The following CSMD3 variants were observed in gnomAD, a reference collection of about 807,000 sequenced individuals.
CSMD3 encodes the protein CUB and sushi domain-containing protein 3.
CSMD3 carries 177 observed loss-of-function variants against 435.2 expected under a neutral mutation model. That is an observed-to-expected ratio of 0.41 (90% CI 0.36 to 0.46). CSMD3 has a LOEUF of 0.46. Ranked by LOEUF, CSMD3 falls within the 20% of genes least tolerant of loss-of-function variation. The pLI is 0.34. For missense variants in CSMD3, 4,265 were observed against 4,504.6 expected (o/e 0.95, Z 1.52); for synonymous variants, 1,656 against 1,520.5 (o/e 1.09, Z -2.07).
chr8:112,788,016 G>T (rs2078594157), intron 13 of CSMD3, among the ~76,000 whole-genome samples: 1 of 152,070 alleles, frequency 6.6e-6, no homozygotes, highest in East Asian at 1.9e-4. Flanking sequence ...TTACCCTGAT[G>T]CACTTATTAT....
intron 12 of CSMD3, among the ~76,000 whole-genome samples, chr8:112,826,077 G>C (rs1051335326): frequency 2.0e-4 from 31 of 152,290 alleles, no homozygotes; most frequent in African/African-American, 7.5e-4. Context: ...CCAGTGGGGA[G>C]GGATGGGTCA....
intron 31 of CSMD3, among the ~76,000 whole-genome samples, chr8:112,478,661 G>A (rs1324277201): frequency 6.6e-6 from 1 of 152,132 alleles, no homozygotes; most frequent in East Asian, 1.9e-4. Flanking sequence ...GAGAGCGGCA[G>A]GAGGCAGCCA....
Position 112,560,795 on chromosome 8 carries a change from A to G in CSMD3, c.4043-3841T>C, listed in dbSNP as rs75076384. Among the ~76,000 whole-genome samples the G allele has an allele frequency of 6.6e-3, 997 of 151,800 alleles. 15 individuals are homozygous for G. The highest frequency in any genetic ancestry group is 0.023 in the African/African-American group (960 of 41,538). On this transcript the variant is annotated intron_variant, in intron 24 of 70. Transcript: ENST00000297405. Reference sequence around the variant, plus strand: ...ATCTGCATACTTAATACTACATTTAAACGTCTTTGCTCAAAAATTACAAGT... The same window carrying G: ...ATCTGCATACTTAATACTACATTTAGACGTCTTTGCTCAAAAATTACAAGT...
intron 17 of CSMD3, among the ~76,000 whole-genome samples, chr8:112,661,924 G>A (rs1224977108): frequency 6.6e-6 from 1 of 152,012 alleles, no homozygotes; most frequent in East Asian, 1.9e-4. Flanking sequence ...GCATAATAAA[G>A]TAATAGGTAT....
chr8:112,820,868 T>C (rs1160653905), intron 12 of CSMD3, among the ~76,000 whole-genome samples: 1 of 152,132 alleles, frequency 6.6e-6, no homozygotes. Flanking sequence ...CCTGTGTACA[T>C]GTTCAACTCC....
At chr8:112,750,788 A>T (rs1396421699) in intron 13 of CSMD3, among the ~76,000 whole-genome samples, 33 of 152,138 alleles carry the variant, frequency 2.2e-4, no homozygotes, top group Admixed American at 1.9e-3. Context: ...ATTAAAAAAA[A>T]GTTCTAATGG....
chr8:113,315,107 G>A (rs766599770), intron 1 of CSMD3, among the ~76,000 whole-genome samples: 1 of 152,010 alleles, frequency 6.6e-6, no homozygotes, highest in Non-Finnish European at 1.5e-5. Context: ...CCTAGAACAC[G>A]GTATCTTTCT....
intron 1 of CSMD3, among the ~76,000 whole-genome samples, chr8:113,326,452 AAAC>A (rs534468996): frequency 9.6e-4 from 146 of 152,216 alleles, no homozygotes; most frequent in African/African-American, 3.3e-3. Flanking sequence ...TCTACAAATT[AAAC>A]AACAAGAAGC....
At chr8:112,600,456 A>G (rs1264591664) in intron 22 of CSMD3, among the ~76,000 whole-genome samples, 2 of 152,162 alleles carry the variant, frequency 1.3e-5, no homozygotes, top group Non-Finnish European at 2.9e-5. Flanking sequence ...ACCGATAAGA[A>G]TGGTATTATA....
intron 2 of CSMD3, 65 bp downstream of exon 2, chr8:113,314,506 G>T (rs1376231993): frequency 2.1e-6 from 2 of 936,438 alleles, no homozygotes; most frequent in Non-Finnish European, 3.5e-6. Context: ...AGCATCTTTT[G>T]TAAAATAAAC....
At chr8:112,920,614 T>C (rs1170553907) in intron 10 of CSMD3, among the ~76,000 whole-genome samples, 1 of 151,850 alleles carries the variant, frequency 6.6e-6, no homozygotes, top group African/African-American at 2.4e-5. Flanking sequence ...GGCATATCTG[T>C]TAGTTTTTTT....
chr8:113,300,772 C>A (rs1368229756), intron 2 of CSMD3, among the ~76,000 whole-genome samples: 1 of 151,904 alleles, frequency 6.6e-6, no homozygotes, highest in Non-Finnish European at 1.5e-5. Context: ...TTATATGTAT[C>A]CCAAAGCTCA....
intron 69 of CSMD3, among the ~76,000 whole-genome samples, chr8:112,231,177 G>A (rs1316373433): frequency 1.3e-5 from 2 of 152,132 alleles, no homozygotes; most frequent in Admixed American, 1.3e-4. Context: ...TGAAAACTGC[G>A]ACAATATTCA....
At chr8:113,122,009 C>G (rs2090999753) in intron 4 of CSMD3, among the ~76,000 whole-genome samples, 1 of 152,008 alleles carries the variant, frequency 6.6e-6, no homozygotes, top group African/African-American at 2.4e-5. Flanking sequence ...ATTTTGTGTT[C>G]AGTACGACTT....
chr8:112,668,066 T>C (rs942946935), intron 16 of CSMD3, among the ~76,000 whole-genome samples: 1 of 152,304 alleles, frequency 6.6e-6, no homozygotes, highest in African/African-American at 2.4e-5. Flanking sequence ...ATTTTCTATG[T>C]GAAATTGCCA....
chr8:112,980,833 T>C (rs2085023979), intron 6 of CSMD3, among the ~76,000 whole-genome samples: 1 of 151,474 alleles, frequency 6.6e-6, no homozygotes, highest in Non-Finnish European at 1.5e-5. Context: ...TTAATTTCAG[T>C]ATTTTAAAAT....
chr8:112,828,827 G>A (rs1369929545), intron 12 of CSMD3, among the ~76,000 whole-genome samples: 1 of 152,086 alleles, frequency 6.6e-6, no homozygotes, highest in Non-Finnish European at 1.5e-5. Context: ...TGAAGTTGAG[G>A]TCAAGAGTGC....
At chr8:112,370,502 T>G (rs902648159) in intron 38 of CSMD3, among the ~76,000 whole-genome samples, 1 of 152,110 alleles carries the variant, frequency 6.6e-6, no homozygotes, top group Non-Finnish European at 1.5e-5. Flanking sequence ...TTACTTTTCC[T>G]CTCTCATTTA....
intron 38 of CSMD3, among the ~76,000 whole-genome samples, chr8:112,356,679 T>C (rs1168713232): frequency 6.6e-6 from 1 of 151,884 alleles, no homozygotes; most frequent in African/African-American, 2.4e-5. Context: ...AACTGAATCA[T>C]GGGTGAAAGT....
Sources: gnomAD v4.1 joint callset for allele counts (sites outside exome capture counted in the v4.1 genomes callset) on GRCh38, gnomAD v4.1.1 for gene constraint, MANE v1.5 for transcripts, NCBI Gene and HGNC (gene_info 2026-07-23, HGNC 2026-07-21) for gene names.